The following ZFHX3 variants were observed in gnomAD, a reference collection of about 807,000 sequenced individuals.
ZFHX3 encodes the protein zinc finger homeobox 3, also known as zinc finger homeobox protein 3.
In ZFHX3, 42 loss-of-function variants were observed where a neutral mutation model predicts 279.1. The observed-to-expected ratio is 0.15, with a 90% CI of 0.12 to 0.19. The LOEUF (loss-of-function observed/expected upper bound fraction) is 0.19. ZFHX3 is among the 10% of genes least tolerant of loss of function. The probability of loss-of-function intolerance (pLI) is 1.00; values close to 1 mark genes in which losing one functional copy is unlikely to be tolerated. For synonymous variants in ZFHX3, 2,293 were observed against 1,957.8 expected, an observed-to-expected ratio of 1.17 and a Z score of -4.52; for missense variants, 4,981 against 4,754.0, an observed-to-expected ratio of 1.05 and a Z score of -1.40.
intron 2 of ZFHX3, among the ~76,000 whole-genome samples, chr16:73,669,427 G>T (rs942837006): frequency 1.3e-5 from 2 of 152,196 alleles, no homozygotes; most frequent in African/African-American, 4.8e-5. Context: ...ATCTCTAGAT[G>T]ACCTTCTAAA....
intron 4 of ZFHX3, among the ~76,000 whole-genome samples, chr16:73,297,777 A>C (rs2014951938): frequency 1.3e-5 from 2 of 151,988 alleles, no homozygotes. Context: ...CTGAGCCTCC[A>C]TTTCTTCTCT....
In ZFHX3 at chr16:72,795,952, A is replaced by T. The variant is rs1402832091; in HGVS notation, c.6730T>A (p.Ser2244Thr). The T allele has an allele frequency of 1.9e-6, 3 of 1,613,842 alleles. No individual in the cohort carries two copies. The African/African-American group carries it at 4.0e-5, about 22-fold the overall frequency. Residue 2244 changes from serine to threonine, a missense_variant, in exon 9 of 10, where the codon TCT (serine) becomes ACT (threonine). Around this residue, in one of 7 missense-constraint regions of ZFHX3, gnomAD observed 177 missense variants for 244.2 expected, o/e 0.72. Coordinates refer to ENST00000268489, the MANE Select transcript of ZFHX3 (RefSeq NM_006885.4). Reference sequence around the variant, plus strand: ...TAGTCCGTAAACCTTGTTCTTGAAGACCTCTTGCTTCCCCAGTACTCCTGC... The same window carrying T: ...TAGTCCGTAAACCTTGTTCTTGAAGTCCTCTTGCTTCCCCAGTACTCCTGC... The part of the protein sequence containing the change: ...PKQEYWGSKR[S>T]SRTRFTDYQL...
chr16:73,329,415 C>T (rs62057270), intron 3 of ZFHX3, among the ~76,000 whole-genome samples: 58,472 of 152,216 alleles, frequency 0.38, 12,947 homozygotes, highest in Non-Finnish European at 0.52. Context: ...GCGTCTTGTG[C>T]GCTTAGCCAT....
intron 3 of ZFHX3, among the ~76,000 whole-genome samples, chr16:73,377,258 C>T (rs1159923654): frequency 3.3e-5 from 5 of 152,126 alleles, no homozygotes. Flanking sequence ...AGGCGTGAGA[C>T]ACCATGCCTG....
At chr16:73,179,287 C>A (rs554443733) in intron 5 of ZFHX3, among the ~76,000 whole-genome samples, 2 of 152,256 alleles carry the variant, frequency 1.3e-5, no homozygotes, top group South Asian at 2.1e-4. Flanking sequence ...GACATCAAAC[C>A]ATTCCTTTTA....
chr16:72,856,412 G>A (rs149626075), intron 4 of ZFHX3, among the ~76,000 whole-genome samples: 8 of 152,220 alleles, frequency 5.3e-5, no homozygotes, highest in South Asian at 2.1e-4. Context: ...GAAGAGCTGC[G>A]TCTCTATCAA....
chr16:73,481,185 T>C (rs1014549502), intron 2 of ZFHX3, among the ~76,000 whole-genome samples: 1 of 151,926 alleles, frequency 6.6e-6, no homozygotes, highest in African/African-American at 2.4e-5. Context: ...AAAAATTAGC[T>C]AGGCATGGTG....
chr16:73,757,916 T>C (rs2053827496), intron 1 of ZFHX3, among the ~76,000 whole-genome samples: 1 of 152,184 alleles, frequency 6.6e-6, no homozygotes, highest in Admixed American at 6.5e-5. Flanking sequence ...TTATACTCCA[T>C]AAAGCTTCAG....
chr16:73,508,901 A>G (rs1185693705), intron 2 of ZFHX3, among the ~76,000 whole-genome samples: 1 of 152,192 alleles, frequency 6.6e-6, no homozygotes, highest in Non-Finnish European at 1.5e-5. Flanking sequence ...TTTTGAATCA[A>G]TCTCAGGAAA....
chr16:73,625,544 G>A (rs773349829), intron 2 of ZFHX3, among the ~76,000 whole-genome samples: 3 of 152,184 alleles, frequency 2.0e-5, no homozygotes, highest in South Asian at 2.1e-4. Context: ...TGTAATACTC[G>A]TGTATTTTTG....
intron 2 of ZFHX3, among the ~76,000 whole-genome samples, chr16:73,607,219 G>C (rs1019390764): frequency 6.6e-6 from 1 of 152,046 alleles, no homozygotes; most frequent in Non-Finnish European, 1.5e-5. Flanking sequence ...AGTAGAGATG[G>C]GGTTTCACCA....
intron 1 of ZFHX3, among the ~76,000 whole-genome samples, chr16:73,714,637 T>G (rs904072248): frequency 5.9e-5 from 9 of 152,236 alleles, no homozygotes; most frequent in African/African-American, 2.2e-4. Context: ...ACATGTGTGT[T>G]AGCATCTATT....
intron 4 of ZFHX3, among the ~76,000 whole-genome samples, chr16:73,292,462 T>C (rs1056619672): frequency 1.3e-5 from 2 of 152,208 alleles, no homozygotes; most frequent in Non-Finnish European, 2.9e-5. Context: ...AGTTATTTTA[T>C]AGAAATGCCA....
rs191196753 is a variant in ZFHX3 at position 73,658,163 on chromosome 16, C to A, written c.-1547+22017G>T. The stretch of plus-strand genomic sequence containing the variant: ...TTAACATTACATTTATTCTTGTGAC[C>A]ACTATAATCAAATTTGTTCAACTGG... On this transcript the variant is annotated intron_variant, in intron 2 of 17. Transcript: ENST00000641206. 6.6e-5 allele frequency among the ~76,000 whole-genome samples: 10 copies of A among 152,150 alleles called. No homozygotes were observed. In the East Asian group the frequency reaches 1.5e-3, roughly 23 times the overall value.
intron 1 of ZFHX3, among the ~76,000 whole-genome samples, chr16:73,881,801 A>G (rs1229895516): frequency 2.6e-5 from 4 of 152,026 alleles, no homozygotes; most frequent in Non-Finnish European, 4.4e-5. Flanking sequence ...AGATTGTCCA[A>G]GAGTGTGTAT....
chr16:73,505,084 ACT>A (rs1252243811), intron 2 of ZFHX3: 2 of 152,144 alleles, frequency 1.3e-5, no homozygotes, highest in African/African-American at 4.8e-5. Context: ...GGTGAAGCAC[ACT>A]GAGGCAGCTG....
At chr16:73,104,451 A>T (rs1043960703) in intron 7 of ZFHX3, among the ~76,000 whole-genome samples, 1 of 152,068 alleles carries the variant, frequency 6.6e-6, no homozygotes, top group African/African-American at 2.4e-5. Flanking sequence ...GAGTGGCCTC[A>T]ACTCCTGGCC....
chr16:72,937,637 T>G (rs1960193286), intron 3 of ZFHX3, among the ~76,000 whole-genome samples: 1 of 152,298 alleles, frequency 6.6e-6, no homozygotes, highest in Middle Eastern at 3.4e-3. Context: ...GGCTGCCAGC[T>G]TCAGGGCCAC....
intron 2 of ZFHX3, among the ~76,000 whole-genome samples, chr16:73,646,417 A>T (rs188419119): frequency 1.2e-4 from 19 of 152,320 alleles, no homozygotes; most frequent in African/African-American, 4.3e-4. Context: ...ATAAGAAAGA[A>T]TGACAAATTA....
Sources: gnomAD v4.1 joint callset for allele counts (sites outside exome capture counted in the v4.1 genomes callset) on GRCh38, gnomAD v4.1.1 for gene constraint, gnomAD v4.1.1 regional missense constraint, MANE v1.5 for transcripts, NCBI Gene and HGNC (gene_info 2026-07-23, HGNC 2026-07-21) for gene names.